Variants in CNTN6 observed in about 807,000 individuals in gnomAD.
The protein encoded by CNTN6 is contactin 6, also known as contactin-6.
In CNTN6, 137 loss-of-function variants were observed where a neutral mutation model predicts 122.8. That is an observed-to-expected ratio of 1.12 (90% CI 0.97 to 1.29). CNTN6 has a LOEUF of 1.29. CNTN6 is among the 50% of genes most tolerant of loss of function. CNTN6 has a pLI of 0.00. For missense variants in CNTN6, 1,634 were observed against 1,223.4 expected (o/e 1.34, Z -5.01); for synonymous variants, 570 against 426.0 (o/e 1.34, Z -4.16).
At chr3:1,255,818 A>C (rs1575443059) in intron 4 of CNTN6, among the ~76,000 whole-genome samples, 1 of 152,026 alleles carries the variant, frequency 6.6e-6, no homozygotes, top group East Asian at 1.9e-4. Flanking sequence ...TGGGTCCACA[A>C]GCTTGCACCA....
chr3:1,372,502 A>G (rs370386565), intron 13 of CNTN6, 28 bp downstream of exon 13: 27 of 1,543,512 alleles, frequency 1.7e-5, no homozygotes, highest in Middle Eastern at 1.8e-4. Flanking sequence ...TTAAGTGCTT[A>G]ATAAAATGAA....
At chr3:1,234,617 C>T (rs1182617130) in intron 4 of CNTN6, among the ~76,000 whole-genome samples, 5 of 152,002 alleles carry the variant, frequency 3.3e-5, no homozygotes, top group East Asian at 1.9e-4. Flanking sequence ...CCGATAATTG[C>T]GAAGTGCGTA....
intron 2 of CNTN6, among the ~76,000 whole-genome samples, chr3:1,189,436 CTT>C (rs1413058962): frequency 5.3e-5 from 8 of 152,150 alleles, no homozygotes; most frequent in African/African-American, 1.9e-4. Flanking sequence ...GACTTTAACT[CTT>C]TGGAATTTGC....
At chr3:1,133,401 T>C (rs2092389907) in intron 1 of CNTN6, among the ~76,000 whole-genome samples, 2 of 152,172 alleles carry the variant, frequency 1.3e-5, no homozygotes, top group African/African-American at 4.8e-5. Flanking sequence ...TAAAATATTG[T>C]TCTAAGCAGG....
intron 1 of CNTN6, among the ~76,000 whole-genome samples, chr3:1,110,789 A>T (rs890259365): frequency 2.0e-5 from 3 of 152,136 alleles, no homozygotes; most frequent in Non-Finnish European, 4.4e-5. Flanking sequence ...CCTGATTCAA[A>T]TCTACATCTG....
At chr3:1,249,732 G>C (rs1481093373) in intron 4 of CNTN6, among the ~76,000 whole-genome samples, 11 of 152,164 alleles carry the variant, frequency 7.2e-5, no homozygotes, top group Admixed American at 7.2e-4. Flanking sequence ...TAACCCTCCT[G>C]TAATTCTTCC....
At position 1,262,812 on chromosome 3, in the gene CNTN6, A is replaced by T. The variant is rs187895055; in HGVS notation, c.359-15601A>T. Among the ~76,000 whole-genome samples, 72 of 152,198 alleles carry T rather than the reference A, an allele frequency of 4.7e-4. 1 individual carries two copies. The highest frequency in any genetic ancestry group is 1.6e-3 in the African/African-American group (67 of 41,558). ...TGTAAAATATATGTAATAATAATAA[A>T]TATTTACTGTACAATATGCTTGTAT... On this transcript the variant is annotated intron_variant, in intron 4 of 22. Transcript: ENST00000446702.
chr3:1,320,372 A>G (rs1700683431), intron 7 of CNTN6, among the ~76,000 whole-genome samples: 1 of 151,676 alleles, frequency 6.6e-6, no homozygotes, highest in African/African-American at 2.4e-5. Context: ...TCCAATAAAA[A>G]TGTCTAAGGC....
intron 2 of CNTN6, among the ~76,000 whole-genome samples, chr3:1,172,620 C>CTCTGTGTGTG (rs762907787): frequency 1.3e-5 from 2 of 150,288 alleles, no homozygotes; most frequent in African/African-American, 4.9e-5. Context: ...CAATAACTCT[C>CTCTGTGTGTG]TGTGTGTGTG....
chr3:1,222,590 G>A (rs1011328244), intron 3 of CNTN6, among the ~76,000 whole-genome samples: 1 of 152,116 alleles, frequency 6.6e-6, no homozygotes, highest in Middle Eastern at 3.4e-3. Flanking sequence ...GAAGGCAACA[G>A]TTTTCAATGT....
At chr3:1,288,455 T>C (rs183422817) in intron 5 of CNTN6, among the ~76,000 whole-genome samples, 42 of 152,342 alleles carry the variant, frequency 2.8e-4, no homozygotes, top group Non-Finnish European at 8.8e-5. Flanking sequence ...AGCATAACCA[T>C]GATTGACCAC....
chr3:1,401,829 T>G (rs964532857), intron 21 of CNTN6, among the ~76,000 whole-genome samples: 12 of 151,992 alleles, frequency 7.9e-5, no homozygotes, highest in African/African-American at 2.7e-4. Flanking sequence ...CTTATGTGCA[T>G]AGTAGATGTG....
intron 4 of CNTN6, among the ~76,000 whole-genome samples, chr3:1,247,812 A>G (rs1207463912): frequency 6.6e-6 from 1 of 152,118 alleles, no homozygotes; most frequent in Non-Finnish European, 1.5e-5. Flanking sequence ...AATAGCTACC[A>G]TGTATTAGGT....
chr3:1,201,748 T>A lies in CNTN6; in HGVS notation c.56-18939T>A, dbSNP rs930086815. On this transcript the variant is annotated intron_variant, in intron 2 of 22. Coordinates refer to ENST00000446702, the MANE Select transcript of CNTN6 (RefSeq NM_001289080.2). ...AACATTTTCACTTCATTTAGACTTATCAGTCTTGTGATGGATTGTTAGGGA... is the reference window on the plus strand; with the variant it reads ...AACATTTTCACTTCATTTAGACTTAACAGTCTTGTGATGGATTGTTAGGGA... Among the ~76,000 whole-genome samples, 5 of 152,206 alleles carry A rather than the reference T, an allele frequency of 3.3e-5. No individual in the cohort carries two copies. The East Asian group carries it at 9.6e-4, about 29-fold the overall frequency.
At chr3:1,298,025 T>A in intron 7 of CNTN6, 34 bp downstream of exon 7, 1 of 1,496,452 alleles carries the variant, frequency 6.7e-7, no homozygotes. Flanking sequence ...GTTTTCCTGG[T>A]TGCATTAATT....
intron 4 of CNTN6, among the ~76,000 whole-genome samples, chr3:1,249,854 A>G (rs17036389): frequency 0.059 from 8,945 of 152,234 alleles, 350 homozygotes; most frequent in East Asian, 0.14. Flanking sequence ...AATCAAATAT[A>G]AACAACTGTG....
chr3:1,125,723 C>T (rs11917509), intron 1 of CNTN6, among the ~76,000 whole-genome samples: 6,034 of 151,360 alleles, frequency 0.04, 152 homozygotes, highest in Middle Eastern at 0.075. Context: ...TAAGAGTTGG[C>T]TGTGATGTGA....
At chr3:1,147,486 T>A (rs1250878284) in intron 1 of CNTN6, among the ~76,000 whole-genome samples, 1 of 152,140 alleles carries the variant, frequency 6.6e-6, no homozygotes, top group African/African-American at 2.4e-5. Context: ...GAACCTCTTA[T>A]TAGATTTCTC....
chr3:1,159,874 A>G (rs1400162486), intron 2 of CNTN6, among the ~76,000 whole-genome samples: 2 of 151,872 alleles, frequency 1.3e-5, no homozygotes, highest in African/African-American at 4.8e-5. Flanking sequence ...AGGCTGGAGT[A>G]CAGTGGCGCG....
Sources: allele counts gnomAD v4.1 joint callset (sites outside exome capture counted in the v4.1 genomes callset), GRCh38; gene constraint gnomAD v4.1.1; transcripts MANE v1.5; gene names NCBI Gene and HGNC (gene_info 2026-07-23, HGNC 2026-07-21).